The following TARBP1 variants were observed in gnomAD, a reference collection of about 807,000 sequenced individuals.
TARBP1 encodes tRNA guanosine 2 -O-methyltransferase TARBP1.
A neutral mutation model predicts 178.6 loss-of-function variants in TARBP1; 144 were observed. The ratio of observed to expected loss-of-function variants is 0.81; its 90% CI spans 0.70 to 0.93. The LOEUF (loss-of-function observed/expected upper bound fraction) is 0.93, where lower values mean the gene tolerates loss of function less well. TARBP1 is among the 40% of genes least tolerant of loss of function. TARBP1 has a pLI of 0.00. For missense variants in TARBP1, 2,067 were observed against 2,011.7 expected (o/e 1.03, Z -0.53); for synonymous variants, 787 against 781.0 (o/e 1.01, Z -0.13).
intron 1 of TARBP1, among the ~76,000 whole-genome samples, chr1:234,474,446 C>A (rs1442331308): frequency 1.3e-5 from 2 of 152,014 alleles, no homozygotes; most frequent in African/African-American, 4.8e-5. Context: ...GAAAATTTCC[C>A]AGAACTGAAG....
intron 25 of TARBP1, among the ~76,000 whole-genome samples, chr1:234,399,684 A>C (rs1379601237): frequency 6.6e-6 from 1 of 152,104 alleles, no homozygotes; most frequent in African/African-American, 2.4e-5. Context: ...GCACATATAC[A>C]CCATGGAATA....
Position 234,391,546 on chromosome 1 carries a change from A to ACAG in TARBP1, c.*28_*30dup, listed in dbSNP as rs769372040. The stretch of plus-strand genomic sequence containing the variant: ...AATAGTTTTTTTTAAAAAAGTCTGA[A>ACAG]CAGCAGCAGCAGTTCACTAAGGAAG... On this transcript the variant is annotated 3_prime_UTR_variant, in exon 30 of 30. Coordinates refer to ENST00000040877, the MANE Select transcript of TARBP1 (RefSeq NM_005646.4). The ACAG allele has an allele frequency of 6.4e-7, 1 of 1,558,548 alleles. No individual in the cohort carries two copies. Among genetic ancestry groups the ACAG allele is most frequent in the South Asian group, 1.2e-5 (1 of 83,462 alleles).
chr1:234,432,011 C>T (rs949061432), intron 14 of TARBP1, among the ~76,000 whole-genome samples: 3 of 151,984 alleles, frequency 2.0e-5, no homozygotes, highest in African/African-American at 7.3e-5. Flanking sequence ...GTGGCGGGCA[C>T]CTACAATCCC....
At chr1:234,462,747 C>A in intron 6 of TARBP1, among the ~76,000 whole-genome samples, 1 of 146,906 alleles carries the variant, frequency 6.8e-6, no homozygotes, top group Non-Finnish European at 1.5e-5. Flanking sequence ...TCCCCATTAA[C>A]ACATTTTTTT....
At chr1:234,463,389 G>A (rs1668103731) in intron 6 of TARBP1, among the ~76,000 whole-genome samples, 1 of 152,200 alleles carries the variant, frequency 6.6e-6, no homozygotes, top group Non-Finnish European at 1.5e-5. Flanking sequence ...CTCCCAAAGT[G>A]CTGGGATTCC....
chr1:234,478,053 A>C (rs1669732273), intron 1 of TARBP1, 120 bp downstream of exon 1: 2 of 1,005,322 alleles, frequency 2.0e-6, no homozygotes, highest in Non-Finnish European at 2.9e-6. Flanking sequence ...AACGCGGAAT[A>C]ACCAAATTCT....
In TARBP1 at chr1:234,401,166, A is replaced by T; in HGVS notation, c.4071+15T>A. ...AGATACAATAGAGAATTTACAAATG[A>T]TATTCTCTACTCACCTCTAGACAAT... On this transcript the variant is annotated intron_variant, in intron 25 of 29. Transcript: ENST00000040877. 1 of 1,598,372 alleles carries T rather than the reference A, an allele frequency of 6.3e-7. No homozygotes were observed. The highest frequency in any genetic ancestry group is 1.1e-5 in the South Asian group (1 of 90,266).
intron 3 of TARBP1, among the ~76,000 whole-genome samples, chr1:234,469,507 A>G (rs1668832936): frequency 6.6e-6 from 1 of 152,246 alleles, no homozygotes; most frequent in Non-Finnish European, 1.5e-5. Flanking sequence ...GTGCAACTAC[A>G]GATGCTTATG....
Position 234,398,440 on chromosome 1 carries a change from G to A in TARBP1, c.4185C>T (p.Tyr1395=), listed in dbSNP as rs758249498. The A allele has an allele frequency of 2.5e-6, 4 of 1,612,020 alleles. No individual in the cohort carries two copies. The East Asian group carries it at 6.7e-5, about 27-fold the overall frequency. Residue 1395 remains tyrosine, a synonymous_variant, in exon 26 of 30, where the codon TAC becomes TAT. Coordinates refer to ENST00000040877, the MANE Select transcript of TARBP1 (RefSeq NM_005646.4). ...GTTTACTAAGTTGAGTTTGAGAAAG[G>A]TACCACTGAAATCCCGCAGCTAAAG... ...DVPLAAGFQW[Y]LSQTQLSKLK...
At chr1:234,396,678 G>A (rs932738535) in intron 26 of TARBP1, among the ~76,000 whole-genome samples, 1 of 151,918 alleles carries the variant, frequency 6.6e-6, no homozygotes, top group African/African-American at 2.4e-5. Context: ...CCATCCAGAG[G>A]CCTGACAAAA....
At chr1:234,440,794 C>A (rs547545389) in intron 12 of TARBP1, among the ~76,000 whole-genome samples, 7 of 152,256 alleles carry the variant, frequency 4.6e-5, no homozygotes, top group African/African-American at 1.7e-4. Context: ...ACAGCTTCCC[C>A]TCAAAAGAAA....
chr1:234,448,591 A>C lies in TARBP1; in HGVS notation c.1862-12T>G, dbSNP rs1360892550. The C allele has an allele frequency of 1.2e-6, 2 of 1,609,808 alleles. No homozygotes were observed. The highest frequency in any genetic ancestry group is 1.3e-5 in the African/African-American group (1 of 74,840). On this transcript the variant is annotated splice_polypyrimidine_tract_variant and intron_variant, in intron 10 of 29. Coordinates refer to ENST00000040877, the MANE Select transcript of TARBP1 (RefSeq NM_005646.4). ...GCAGTTTTCTCCTGCTTAAATAACA[A>C]CAGTTAAGGTTTGCAAAGCATTAAC... is the stretch of plus-strand genomic sequence containing the variant.
At position 234,391,507 on chromosome 1, in the gene TARBP1, GTTTC is replaced by G; in HGVS notation, c.*66_*69del. Reference sequence around the variant, plus strand: ...ATTATCACAATAAATTTCAGAATCTGTTTCTTTAGTCCAAATAGTTTTTTTTAAA... The same window carrying G: ...ATTATCACAATAAATTTCAGAATCTGTTTAGTCCAAATAGTTTTTTTTAAA... On this transcript the variant is annotated 3_prime_UTR_variant, in exon 30 of 30. Transcript: ENST00000040877. 1.4e-6 allele frequency: 2 copies of G among 1,437,398 alleles called. No homozygotes were observed. The highest frequency in any genetic ancestry group is 1.9e-6 in the Non-Finnish European group (2 of 1,075,614). The allele number at this position is 1,437,398 out of a possible 1,614,324, so 89.0% of individuals were successfully genotyped here.
rs1298451766 is a variant in TARBP1 at position 234,460,314 on chromosome 1, C to G, written c.1482G>C (p.Leu494Phe). 3 of 1,614,156 alleles carry G rather than the reference C, an allele frequency of 1.9e-6. No individual in the cohort carries two copies. In the South Asian group the frequency reaches 3.3e-5, roughly 18 times the overall value. Reference sequence around the variant, plus strand: ...GGGCCTTATGTCTTGGGACATTTGCCAAAGCCTTAGATAGAAACAAAATGG... The same window carrying G: ...GGGCCTTATGTCTTGGGACATTTGCGAAAGCCTTAGATAGAAACAAAATGG... ...AVPILFLSKA[L>F]ANVPRHKALG... Residue 494 changes from leucine to phenylalanine, a missense_variant, in exon 7 of 30, where the codon TTG becomes TTC. Physicochemically the swap from Leu to Phe is conservative, Grantham distance 22. Transcript: ENST00000040877.
intron 10 of TARBP1, among the ~76,000 whole-genome samples, chr1:234,449,462 AT>A (rs1364370706): frequency 6.6e-6 from 1 of 152,192 alleles, no homozygotes; most frequent in Non-Finnish European, 1.5e-5. Context: ...CAGAAATGAG[AT>A]TAAATGAATG....
At chr1:234,411,981 T>C (rs568985498) in intron 22 of TARBP1, among the ~76,000 whole-genome samples, 14 of 152,214 alleles carry the variant, frequency 9.2e-5, no homozygotes, top group African/African-American at 1.2e-4. Context: ...ACAGTTACTA[T>C]AGAAACAAGT....
intron 20 of TARBP1, among the ~76,000 whole-genome samples, chr1:234,421,289 A>T (rs1663065113): frequency 6.6e-6 from 1 of 152,024 alleles, no homozygotes; most frequent in African/African-American, 2.4e-5. Flanking sequence ...GGGTTTCACC[A>T]TGTTGGCCAG....
chr1:234,393,774 G>C lies in TARBP1; in HGVS notation c.4307C>G (p.Pro1436Arg). 6.2e-7 allele frequency: 1 copy of C among 1,613,888 alleles called. No individual in the cohort carries two copies. Among genetic ancestry groups the C allele is most frequent in the Non-Finnish European group, 8.5e-7 (1 of 1,179,982 alleles). ...EWTDVQKKII[P>R]WNSRVSDLDL... ...TAAGTCGGAAACACGACTGTTCCACGGGATAATCTTCTTCTGAACGTCGGT... is the reference window on the plus strand; with the variant it reads ...TAAGTCGGAAACACGACTGTTCCACCGGATAATCTTCTTCTGAACGTCGGT... Residue 1436 changes from proline (P) to arginine (R), a missense_variant, in exon 27 of 30, where the codon CCG (proline) becomes CGG (arginine). Physicochemically the swap from Pro to Arg is moderately radical, Grantham distance 103. Transcript: ENST00000040877.
At chr1:234,474,531 T>C (rs946622149) in intron 1 of TARBP1, among the ~76,000 whole-genome samples, 2 of 152,110 alleles carry the variant, frequency 1.3e-5, no homozygotes, top group African/African-American at 4.8e-5. Flanking sequence ...CTATCAAAAC[T>C]GTGAAATTTC....
Sources: allele counts gnomAD v4.1 joint callset (sites outside exome capture counted in the v4.1 genomes callset), GRCh38; gene constraint gnomAD v4.1.1; transcripts MANE v1.5; gene names NCBI Gene and HGNC (gene_info 2026-07-23, HGNC 2026-07-21).